FOXN3: variants seen among roughly 807,000 people sequenced by gnomAD.
FOXN3 encodes the protein forkhead box N3.
Under a neutral mutation model 38.4 loss-of-function variants are expected in FOXN3, and 7 were observed. The ratio of observed to expected loss-of-function variants is 0.18; its 90% CI spans 0.10 to 0.34. The LOEUF (loss-of-function observed/expected upper bound fraction) is 0.34. Among genes scored for constraint, FOXN3 ranks in the 10% least tolerant of loss-of-function variants. The probability of loss-of-function intolerance (pLI) is 1.00; values close to 1 mark genes in which losing one functional copy is unlikely to be tolerated. For missense variants in FOXN3, 456 were observed against 613.4 expected, an observed-to-expected ratio of 0.74 and a Z score of 2.71; for synonymous variants, 230 against 242.2, an observed-to-expected ratio of 0.95 and a Z score of 0.47.
intron 2 of FOXN3, among the ~76,000 whole-genome samples, chr14:89,374,091 C>A (rs1050604880): frequency 6.6e-6 from 1 of 151,146 alleles, no homozygotes; most frequent in Non-Finnish European, 1.5e-5. Flanking sequence ...CACGAGGAAA[C>A]CTCATCTCTA....
At chr14:89,373,345 G>C (rs949866312) in intron 2 of FOXN3, among the ~76,000 whole-genome samples, 46 of 151,756 alleles carry the variant, frequency 3.0e-4, no homozygotes, top group African/African-American at 1.1e-3. Context: ...TCTATAGTGG[G>C]GTGCTGGTTA....
intron 1 of FOXN3, among the ~76,000 whole-genome samples, chr14:89,492,101 T>C (rs898932568): frequency 1.1e-4 from 17 of 152,262 alleles, no homozygotes; most frequent in Admixed American, 4.6e-4. Context: ...ATCCAAGTAG[T>C]TCACTGAAAC....
At chr14:89,287,558 T>A (rs1228832895) in intron 3 of FOXN3, among the ~76,000 whole-genome samples, 1 of 152,138 alleles carries the variant, frequency 6.6e-6, no homozygotes, top group Non-Finnish European at 1.5e-5. Flanking sequence ...CACTTCCTCC[T>A]AGACATCCTT....
intron 3 of FOXN3, among the ~76,000 whole-genome samples, chr14:89,327,550 G>A (rs1045004622): frequency 1.3e-5 from 2 of 152,132 alleles, no homozygotes; most frequent in Non-Finnish European, 2.9e-5. Context: ...ACCTCTACCC[G>A]CCAAAAGCCC....
chr14:89,226,370 C>A (rs1463033733), intron 4 of FOXN3, among the ~76,000 whole-genome samples: 1 of 152,200 alleles, frequency 6.6e-6, no homozygotes, highest in African/African-American at 2.4e-5. Context: ...GGACTACAGG[C>A]ATGTACCACC....
chr14:89,211,362 A>T (rs1884088800), intron 4 of FOXN3, among the ~76,000 whole-genome samples: 1 of 152,254 alleles, frequency 6.6e-6, no homozygotes, highest in South Asian at 2.1e-4. Context: ...GTAGAAACCA[A>T]TTCTCTCTCT....
chr14:89,305,434 T>C (rs1887342751), intron 3 of FOXN3, among the ~76,000 whole-genome samples: 1 of 152,218 alleles, frequency 6.6e-6, no homozygotes, highest in African/African-American at 2.4e-5. Flanking sequence ...GCAGGTTCTC[T>C]AAACAAGCTA....
intron 3 of FOXN3, among the ~76,000 whole-genome samples, chr14:89,288,714 CTCTCTCTCTCTATATATATATATA>C (rs1368389785): frequency 2.7e-3 from 162 of 60,692 alleles, no homozygotes; most frequent in African/African-American, 5.4e-3. Context: ...CTCTCTCTCT[CTCTCTCTCTCTATATATATATATA>C]TATATATATA....
At chr14:89,543,867 C>T (rs931310214) in intron 1 of FOXN3, among the ~76,000 whole-genome samples, 6 of 151,878 alleles carry the variant, frequency 4.0e-5, no homozygotes, top group Non-Finnish European at 7.4e-5. Context: ...TAGTATACAA[C>T]CGATTTGGTT....
intron 1 of FOXN3, among the ~76,000 whole-genome samples, chr14:89,611,480 C>G (rs376289540): frequency 4.6e-5 from 7 of 151,944 alleles, no homozygotes; most frequent in African/African-American, 1.7e-4. Context: ...CAGGGATGGA[C>G]GAAGAGAAAG....
intron 1 of FOXN3, among the ~76,000 whole-genome samples, chr14:89,440,183 G>A (rs560284806): frequency 2.0e-5 from 3 of 152,236 alleles, no homozygotes; most frequent in African/African-American, 7.2e-5. Context: ...TCCCACCAGT[G>A]CTGCTTCTTG....
chr14:89,162,204 C>A lies in FOXN3; in HGVS notation c.*210G>T, dbSNP rs1056858152. ...AGTGTCAATATGAGTTCTATGGCTTCAATCTCCTTTAAAAATAAAATTCTT... is the reference window on the plus strand; with the variant it reads ...AGTGTCAATATGAGTTCTATGGCTTAAATCTCCTTTAAAAATAAAATTCTT... On this transcript the variant is annotated 3_prime_UTR_variant, in exon 6 of 6. Transcript: ENST00000557258. The surrounding 1 kb of genome is among the most constrained non-coding windows in gnomAD (Gnocchi z 7.2). 4.9e-5 allele frequency: 22 copies of A among 446,768 alleles called. No homozygotes were observed. The highest frequency in any genetic ancestry group is 4.5e-4 in the African/African-American group (22 of 49,078). 27.7% of individuals were successfully genotyped at this position (446,768 alleles called of 1,614,324 possible). A position where few individuals can be genotyped will look rare whatever the true frequency, so the allele number is the denominator to read the frequency against.
intron 3 of FOXN3, among the ~76,000 whole-genome samples, chr14:89,314,884 T>C (rs1261870510): frequency 6.6e-6 from 1 of 152,072 alleles, no homozygotes; most frequent in Admixed American, 6.5e-5. Flanking sequence ...ACCAAGACAG[T>C]TGAATTTGCT....
At chr14:89,580,423 A>G (rs1047761960) in intron 1 of FOXN3, among the ~76,000 whole-genome samples, 8 of 152,230 alleles carry the variant, frequency 5.3e-5, no homozygotes, top group African/African-American at 1.9e-4. Context: ...CAAGCTGGGT[A>G]ATTGTATAAA....
chr14:89,607,518 C>T (rs1182281021), intron 1 of FOXN3, among the ~76,000 whole-genome samples: 1 of 150,822 alleles, frequency 6.6e-6, no homozygotes, highest in African/African-American at 2.4e-5. Flanking sequence ...GAGATTACCC[C>T]ACTGCACTCC....
At chr14:89,222,068 G>A (rs1753000356) in intron 4 of FOXN3, among the ~76,000 whole-genome samples, 1 of 152,010 alleles carries the variant, frequency 6.6e-6, no homozygotes, top group South Asian at 2.1e-4. Flanking sequence ...TGCCCGCCTC[G>A]GCCTCCCAAA....
chr14:89,173,834 T>C (rs187058645), intron 5 of FOXN3, among the ~76,000 whole-genome samples: 10 of 152,034 alleles, frequency 6.6e-5, no homozygotes, highest in Admixed American at 1.3e-4. Flanking sequence ...TTACAAAAAA[T>C]AGAAGAATTA....
intron 3 of FOXN3, among the ~76,000 whole-genome samples, chr14:89,311,949 G>A (rs1472489771): frequency 5.3e-5 from 8 of 152,062 alleles, no homozygotes. Context: ...CCATGGGGGA[G>A]ATTAGGACAA....
At chr14:89,286,900 C>T (rs1886645707) in intron 3 of FOXN3, among the ~76,000 whole-genome samples, 1 of 152,126 alleles carries the variant, frequency 6.6e-6, no homozygotes, top group South Asian at 2.1e-4. Flanking sequence ...CTTTTCTAAC[C>T]TTCCAAAGAA....
Sources: gnomAD v4.1 joint callset for allele counts (sites outside exome capture counted in the v4.1 genomes callset) on GRCh38, gnomAD v4.1.1 for gene constraint, Gnocchi (gnomAD v3.1) non-coding constraint, MANE v1.5 for transcripts, NCBI Gene and HGNC (gene_info 2026-07-23, HGNC 2026-07-21) for gene names.